Variants in ROBO2 observed in about 807,000 individuals in gnomAD.
ROBO2 encodes roundabout guidance receptor 2.
Under a neutral mutation model 160.8 loss-of-function variants are expected in ROBO2, and 53 were observed. The observed-to-expected ratio is 0.33, with a 90% CI of 0.26 to 0.41. ROBO2 has a LOEUF of 0.41. Ranked by LOEUF, ROBO2 falls within the 10% of genes least tolerant of loss-of-function variation. ROBO2 has a pLI of 1.00. For synonymous variants in ROBO2, 664 were observed against 611.7 expected (o/e 1.09, Z -1.26); for missense variants, 1,577 against 1,722.4 (o/e 0.92, Z 1.49).
intron 5 of ROBO2, among the ~76,000 whole-genome samples, chr3:77,503,796 A>G (rs908282091): frequency 1.2e-4 from 19 of 152,184 alleles, no homozygotes; most frequent in Non-Finnish European, 2.5e-4. Flanking sequence ...GTAATTTGAT[A>G]CTATTATTTT....
intron 2 of ROBO2, among the ~76,000 whole-genome samples, chr3:77,414,593 G>A (rs1243869986): frequency 2.0e-5 from 3 of 152,170 alleles, no homozygotes; most frequent in East Asian, 1.9e-4. Flanking sequence ...AAAACAAGAC[G>A]GGAGCTAGGC....
intron 2 of ROBO2, among the ~76,000 whole-genome samples, chr3:76,406,313 A>G (rs2048548774): frequency 6.6e-6 from 1 of 151,860 alleles, no homozygotes; most frequent in Admixed American, 6.6e-5. Context: ...GAAAATGTAA[A>G]TGTCACAGGA....
intron 2 of ROBO2, among the ~76,000 whole-genome samples, chr3:76,034,132 A>G (rs1440529714): frequency 1.3e-5 from 2 of 151,900 alleles, no homozygotes; most frequent in Admixed American, 1.3e-4. Context: ...TCACTCTAGC[A>G]CTCTGCTTTC....
intron 2 of ROBO2, among the ~76,000 whole-genome samples, chr3:76,797,694 A>G (rs1576675017): frequency 6.6e-6 from 1 of 151,956 alleles, no homozygotes; most frequent in Non-Finnish European, 1.5e-5. Context: ...AAGAAAAAAG[A>G]AAGAAGACCC....
Position 76,635,709 on chromosome 3 carries a change from A to G in ROBO2, c.110-462305A>G, listed in dbSNP as rs775705566. Among the ~76,000 whole-genome samples the G allele has an allele frequency of 3.5e-4, 54 of 152,352 alleles. 1 individual carries two copies. In the Middle Eastern group the frequency reaches 0.017, roughly 48 times the overall value. ...ATGATAGAGATTTTCAAAACCTCCA[A>G]TGCGAGTGCAGACACTTCCTCACGA... On this transcript the variant is annotated intron_variant, in intron 2 of 26. Transcript: ENST00000487694.
At chr3:76,835,025 A>T (rs2067556373) in intron 2 of ROBO2, among the ~76,000 whole-genome samples, 1 of 152,158 alleles carries the variant, frequency 6.6e-6, no homozygotes. Context: ...TCTTATAAAT[A>T]TTAAGAATTT....
Position 77,296,669 on chromosome 3 carries a change from C to T in ROBO2, c.389-180745C>T, listed in dbSNP as rs535694923. 7.9e-5 allele frequency among the ~76,000 whole-genome samples: 12 copies of T among 152,178 alleles called. No individual in the cohort carries two copies. In the South Asian group the frequency reaches 2.5e-3, roughly 32 times the overall value. ...ATAGCAATGTTTGAGAACAATTGCT[C>T]AGAATATTCTAGGCCGATGGAAAAG... On this transcript the variant is annotated intron_variant, in intron 2 of 25. Coordinates refer to ENST00000461745, the Ensembl canonical transcript of ROBO2.
At chr3:76,994,958 T>G (rs1167449140) in intron 2 of ROBO2, among the ~76,000 whole-genome samples, 1 of 152,208 alleles carries the variant, frequency 6.6e-6, no homozygotes, top group African/African-American at 2.4e-5. Flanking sequence ...TTTTTTTTCT[T>G]TTTTATTATA....
intron 2 of ROBO2, among the ~76,000 whole-genome samples, chr3:77,312,051 A>G (rs1354995230): frequency 1.3e-5 from 2 of 151,876 alleles, no homozygotes; most frequent in African/African-American, 4.8e-5. Context: ...ACCCCATTGC[A>G]CTCCAGCCTC....
chr3:76,869,348 T>TTC (rs1559626941), intron 2 of ROBO2, among the ~76,000 whole-genome samples: 1 of 132,668 alleles, frequency 7.5e-6, no homozygotes, highest in Non-Finnish European at 1.6e-5. Context: ...TGATGTTTTT[T>TTC]TTTTTTTTTT....
intron 2 of ROBO2, among the ~76,000 whole-genome samples, chr3:77,195,562 A>G (rs1046455793): frequency 1.3e-5 from 2 of 152,246 alleles, no homozygotes; most frequent in Non-Finnish European, 1.5e-5. Context: ...TGGACATTTA[A>G]AGTTCCTGGA....
chr3:76,805,676 G>GTC (rs2064640406), intron 2 of ROBO2, among the ~76,000 whole-genome samples: 1 of 5,146 alleles, frequency 1.9e-4, no homozygotes, highest in African/African-American at 4.9e-4. Flanking sequence ...GAATACGTGT[G>GTC]TGTGTGTGTG....
chr3:77,547,972 CAT>C (rs1162866630), intron 7 of ROBO2, among the ~76,000 whole-genome samples: 1 of 151,638 alleles, frequency 6.6e-6, no homozygotes, highest in African/African-American at 2.4e-5. Context: ...GACACACACA[CAT>C]ATACACACAC....
intron 6 of ROBO2, among the ~76,000 whole-genome samples, chr3:77,532,517 G>C (rs2091818610): frequency 6.6e-6 from 1 of 151,182 alleles, no homozygotes; most frequent in African/African-American, 2.4e-5. Flanking sequence ...TTTTTTTTCT[G>C]TTTTACTTTC....
chr3:76,963,218 T>C (rs143109804), intron 2 of ROBO2, among the ~76,000 whole-genome samples: 528 of 152,284 alleles, frequency 3.5e-3, no homozygotes, highest in Non-Finnish European at 5.7e-3. Flanking sequence ...ATTATGTAAA[T>C]AGCAGGATTA....
At chr3:77,138,966 C>T (rs977937737) in intron 2 of ROBO2, among the ~76,000 whole-genome samples, 1 of 152,090 alleles carries the variant, frequency 6.6e-6, no homozygotes, top group Non-Finnish European at 1.5e-5. Context: ...GGTCTCTGTG[C>T]TAGACCATGA....
At chr3:77,347,480 G>GA (rs1466808027) in intron 2 of ROBO2, among the ~76,000 whole-genome samples, 1 of 151,698 alleles carries the variant, frequency 6.6e-6, no homozygotes, top group African/African-American at 2.4e-5. Context: ...ATTTCTGCCA[G>GA]AAAAAAATAG....
intron 2 of ROBO2, among the ~76,000 whole-genome samples, chr3:76,203,647 G>A (rs1702661036): frequency 1.4e-5 from 2 of 147,268 alleles, no homozygotes; most frequent in Non-Finnish European, 2.9e-5. Context: ...GATTGCCTCA[G>A]GCTATCGGCT....
intron 2 of ROBO2, among the ~76,000 whole-genome samples, chr3:76,137,899 T>A (rs1043241986): frequency 6.6e-6 from 1 of 152,016 alleles, no homozygotes; most frequent in Non-Finnish European, 1.5e-5. Flanking sequence ...GTAATCAGAT[T>A]GAACCTATTT....
Sources: allele counts gnomAD v4.1 joint callset (sites outside exome capture counted in the v4.1 genomes callset), GRCh38; gene constraint gnomAD v4.1.1; transcripts MANE v1.5; gene names NCBI Gene and HGNC (gene_info 2026-07-23, HGNC 2026-07-21).